Variants in QSOX2 observed in about 807,000 individuals in gnomAD.
QSOX2 encodes quiescin sulfhydryl oxidase 2.
In QSOX2, 46 loss-of-function variants were observed where a neutral mutation model predicts 61.7. The ratio of observed to expected loss-of-function variants is 0.75; its 90% CI spans 0.59 to 0.95. QSOX2 has a LOEUF of 0.95. QSOX2 is among the 40% of genes least tolerant of loss of function. QSOX2 has a pLI of 0.00. For missense variants in QSOX2, 879 were observed against 918.9 expected, an observed-to-expected ratio of 0.96 and a Z score of 0.56; for synonymous variants, 383 against 388.4, an observed-to-expected ratio of 0.99 and a Z score of 0.16.
chr9:136,210,102 G>A, intron 11 of QSOX2: 1 of 985,476 alleles, frequency 1.0e-6, no homozygotes, highest in Non-Finnish European at 1.2e-6. Context: ...TGCTTATCCG[G>A]CCAACCGGCA....
intron 1 of QSOX2, among the ~76,000 whole-genome samples, chr9:136,244,149 C>G (rs1564299903): frequency 6.6e-6 from 1 of 152,204 alleles, no homozygotes; most frequent in Non-Finnish European, 1.5e-5. Context: ...GTTTCTGCCA[C>G]TGAATAACAC....
chr9:136,243,176 A>T (rs1254285458), intron 1 of QSOX2, among the ~76,000 whole-genome samples: 2 of 152,258 alleles, frequency 1.3e-5, no homozygotes, highest in East Asian at 3.9e-4. Context: ...AAAATATTTC[A>T]CCCCCAAATA....
intron 1 of QSOX2, among the ~76,000 whole-genome samples, chr9:136,237,708 CTG>C (rs1830399953): frequency 6.6e-6 from 1 of 151,058 alleles, no homozygotes; most frequent in African/African-American, 2.4e-5. Context: ...CACCTGGAGC[CTG>C]CTCTGGGCCG....
chr9:136,242,377 G>A (rs1830439770), intron 1 of QSOX2, among the ~76,000 whole-genome samples: 2 of 152,244 alleles, frequency 1.3e-5, no homozygotes, highest in Admixed American at 1.3e-4. Context: ...AACGCAGGGC[G>A]TGGCGGGCGC....
chr9:136,220,190 C>G (rs979217815), intron 6 of QSOX2, among the ~76,000 whole-genome samples: 1 of 152,194 alleles, frequency 6.6e-6, no homozygotes, highest in African/African-American at 2.4e-5. Flanking sequence ...CTCCACCACG[C>G]CCGGCTAATG....
chr9:136,228,427 T>C (rs1438699432), intron 1 of QSOX2, among the ~76,000 whole-genome samples: 2 of 152,246 alleles, frequency 1.3e-5, no homozygotes, highest in Non-Finnish European at 2.9e-5. Context: ...GGTTTTCTTT[T>C]TAAAAGATTT....
chr9:136,226,236 G>C (rs574444078), intron 2 of QSOX2, among the ~76,000 whole-genome samples: 1 of 152,222 alleles, frequency 6.6e-6, no homozygotes, highest in Non-Finnish European at 1.5e-5. Flanking sequence ...GGCACCCGCA[G>C]GTACACACAT....
At chr9:136,228,948 A>G (rs984390831) in intron 1 of QSOX2, among the ~76,000 whole-genome samples, 1 of 152,230 alleles carries the variant, frequency 6.6e-6, no homozygotes, top group Non-Finnish European at 1.5e-5. Flanking sequence ...TGTTAAAAGC[A>G]TGCCTGGAAG....
Position 136,209,552 on chromosome 9 carries a change from T to C in QSOX2, c.1550-277A>G, listed in dbSNP as rs1029334243. ...ACGCTACACGCTCGGCCTCCGCCAC[T>C]TCCCAGACCACACCTGTCCCAAACC... On this transcript the variant is annotated intron_variant, in intron 11 of 11. Coordinates refer to ENST00000358701, the MANE Select transcript of QSOX2 (RefSeq NM_181701.4). This position sits in a 1 kb window ranked among gnomAD's most constrained non-coding sequence, Gnocchi z 5.6. The C allele has an allele frequency of 1.0e-6, 1 of 985,230 alleles. No individual in the cohort carries two copies. Among genetic ancestry groups the C allele is most frequent in the African/African-American group, 1.7e-5 (1 of 57,224 alleles). The allele number at this position is 985,230 out of a possible 1,614,324, so 61.0% of individuals were successfully genotyped here. A position where few individuals can be genotyped will look rare whatever the true frequency, so the allele number is the denominator to read the frequency against.
At chr9:136,225,005 T>C in intron 2 of QSOX2, 96 bp from the exon 3 acceptor site, 1 of 776,484 alleles carries the variant, frequency 1.3e-6, no homozygotes, top group East Asian at 2.8e-5. Context: ...GAGGGAGCTT[T>C]ACTCAATTTC....
At chr9:136,234,150 G>T (rs1389652785) in intron 1 of QSOX2, among the ~76,000 whole-genome samples, 1 of 152,164 alleles carries the variant, frequency 6.6e-6, no homozygotes, top group Non-Finnish European at 1.5e-5. Context: ...GCTCCACCTG[G>T]GGCACTTCCT....
Position 136,245,778 on chromosome 9 carries a change from G to A in QSOX2, c.26C>T (p.Ala9Val). 5.2e-6 allele frequency: 6 copies of A among 1,156,070 alleles called. No individual in the cohort carries two copies. The highest frequency in any genetic ancestry group is 4.7e-5 in the Admixed American group (1 of 21,260). The allele number at this position is 1,156,070 out of a possible 1,614,324, so 71.6% of individuals were successfully genotyped here. The change falls in exon 1 of 12, where the codon GCG becomes GTG. Residue 9 changes from alanine to valine, a missense_variant. Ala to Val is a moderately conservative substitution (Grantham distance 64, BLOSUM62 0). Transcript: ENST00000358701. ...TCCCGCTCCGATTCCCGGGCTGCGC[G>A]CCACCGCCGCCCCGGCCGCCGCCAT... is the stretch of plus-strand genomic sequence containing the variant. MAAAGAAV[A>V]RSPGIGAGPA...
At chr9:136,227,256 A>G (rs971771259) in intron 1 of QSOX2, among the ~76,000 whole-genome samples, 4 of 152,220 alleles carry the variant, frequency 2.6e-5, no homozygotes, top group African/African-American at 9.7e-5. Context: ...CAGATTAATC[A>G]GATACGGTCC....
rs1831918638 is a variant in QSOX2 at position 136,216,742 on chromosome 9, C to A, written c.1087-20G>T. On this transcript the variant is annotated intron_variant, in intron 8 of 11. Coordinates refer to ENST00000358701, the MANE Select transcript of QSOX2 (RefSeq NM_181701.4). ...GAACAGCTGCATGAGGAAGGAGCCACCTGAGAGCTACAGACCCAAACCCGG... is the reference window on the plus strand; with the variant it reads ...GAACAGCTGCATGAGGAAGGAGCCAACTGAGAGCTACAGACCCAAACCCGG... 1 of 1,612,260 alleles carries A rather than the reference C, an allele frequency of 6.2e-7. No individual in the cohort carries two copies. The highest frequency in any genetic ancestry group is 1.3e-5 in the African/African-American group (1 of 74,930).
Position 136,219,011 on chromosome 9 carries a change from G to A in QSOX2, c.956+19C>T, listed in dbSNP as rs913236898. On this transcript the variant is annotated intron_variant, in intron 7 of 11. Transcript: ENST00000358701. ...ACACGCACTGTCTCCGGGGGCTTCAGTTCAAGAGGAACACTTGCTTGTCAA... is the reference window on the plus strand; with the variant it reads ...ACACGCACTGTCTCCGGGGGCTTCAATTCAAGAGGAACACTTGCTTGTCAA... 2 of 1,613,716 alleles carry A rather than the reference G, an allele frequency of 1.2e-6. No homozygotes were observed. Among genetic ancestry groups the A allele is most frequent in the Admixed American group, 3.3e-5 (2 of 59,988 alleles).
rs750395867 is a variant in QSOX2, at chr9:136,208,907, C to T, written c.1918G>A (p.Gly640Arg). 5.3e-5 allele frequency: 85 copies of T among 1,613,804 alleles called. No individual in the cohort carries two copies. The highest frequency in any genetic ancestry group is 6.7e-5 in the East Asian group (3 of 44,890). Reference sequence around the variant, plus strand: ...GCCCCGCCCACCTCCTTGTGGGCCCCGGGCCCATCCAGACTCTGGAGTTTC... The same window carrying T: ...GCCCCGCCCACCTCCTTGTGGGCCCTGGGCCCATCCAGACTCTGGAGTTTC... ...DGKLQSLDGP[G>R]AHKEVGGAAP... Residue 640 changes from glycine to arginine, a missense_variant, in exon 12 of 12, where the codon GGG (glycine) becomes AGG (arginine). By Grantham distance (125) the Gly-to-Arg change is moderately radical. Transcript: ENST00000358701.
chr9:136,208,280 A>AGGGT lies in QSOX2; in HGVS notation c.*447_*448insACCC, dbSNP rs1831797199. 2.1e-3 allele frequency: 4 copies of AGGGT among 1,868 alleles called. No individual in the cohort carries two copies. The highest frequency in any genetic ancestry group is 0.013 in the Admixed American group (3 of 232). The allele number at this position is 1,868 out of a possible 1,614,324, so 0.1% of individuals were successfully genotyped here. ...GCGTGGGGGGAGCGGGGGGAGGGGG[A>AGGGT]GCGAGGGGAGTGGGGGGGAGCCAGG... On this transcript the variant is annotated 3_prime_UTR_variant, in exon 12 of 12. Transcript: ENST00000358701.
Position 136,219,099 on chromosome 9 carries a change from G to A in QSOX2, c.887C>T (p.Ser296Leu), listed in dbSNP as rs368708856. The change falls in exon 7 of 12, where the codon TCG (serine) becomes TTG (leucine). Residue 296 changes from serine (S) to leucine (L), a missense_variant. Coordinates refer to ENST00000358701, the MANE Select transcript of QSOX2 (RefSeq NM_181701.4). ...LKSLPDVRKK[S>L]LPLPEKPHKE... is the part of the protein sequence containing the mutation. Reference sequence around the variant, plus strand: ...GTGTGGCTTTTCAGGCAAGGGAAGCGATTTTTTCCTCACATCCGGCAATGA... The same window carrying A: ...GTGTGGCTTTTCAGGCAAGGGAAGCAATTTTTTCCTCACATCCGGCAATGA... 146 of 1,614,084 alleles carry A rather than the reference G, an allele frequency of 9.0e-5. 2 individuals carry two copies. In the South Asian group the frequency reaches 1.5e-3, roughly 17 times the overall value.
intron 1 of QSOX2, among the ~76,000 whole-genome samples, chr9:136,237,275 G>A (rs2131068498): frequency 7.0e-6 from 1 of 143,072 alleles, no homozygotes; most frequent in South Asian, 2.3e-4. Flanking sequence ...GTCACCTGGA[G>A]CCCGTCCTGG....
Sources: allele counts gnomAD v4.1 joint callset (sites outside exome capture counted in the v4.1 genomes callset), GRCh38; gene constraint gnomAD v4.1.1; non-coding constraint Gnocchi (gnomAD v3.1); transcripts MANE v1.5; gene names NCBI Gene and HGNC (gene_info 2026-07-23, HGNC 2026-07-21).